Variants in MAPK10 observed in about 807,000 individuals in gnomAD.
MAPK10 encodes the protein JNK3 alpha protein kinase.
MAPK10 carries 25 observed loss-of-function variants against 59.3 expected under a neutral mutation model. The observed-to-expected ratio is 0.42, with a 90% CI of 0.31 to 0.59. The LOEUF is 0.59. Among genes scored for constraint, MAPK10 ranks in the 20% least tolerant of loss-of-function variants. The pLI is 0.15. For missense variants in MAPK10, 351 were observed against 568.9 expected (o/e 0.62, Z 3.90); for synonymous variants, 190 against 200.5 (o/e 0.95, Z 0.44).
chr4:86,425,455 T>C (rs950453334), intron 1 of MAPK10, among the ~76,000 whole-genome samples: 1 of 152,204 alleles, frequency 6.6e-6, no homozygotes, highest in South Asian at 2.1e-4. Flanking sequence ...CTTTAGGCTT[T>C]AATATTTTCA....
intron 1 of MAPK10, among the ~76,000 whole-genome samples, chr4:86,555,187 C>A (rs1760161772): frequency 6.6e-6 from 1 of 152,186 alleles, no homozygotes; most frequent in African/African-American, 2.4e-5. Flanking sequence ...GTGGCTCATG[C>A]CTGTAATCCT....
intron 3 of MAPK10, among the ~76,000 whole-genome samples, chr4:86,191,443 T>C (rs1280429603): frequency 6.6e-6 from 1 of 152,040 alleles, no homozygotes; most frequent in Admixed American, 6.6e-5. Flanking sequence ...ATTGGGTGCA[T>C]ATAAATTTAA....
At chr4:86,457,182 C>A (rs1279533136), upstream of MAPK10, among the ~76,000 whole-genome samples, 3 of 152,166 alleles carry the variant, frequency 2.0e-5, no homozygotes, top group Non-Finnish European at 4.4e-5. Flanking sequence ...CCATCTATGA[C>A]AAACCCACAG....
intron 2 of MAPK10, among the ~76,000 whole-genome samples, chr4:86,199,964 T>C (rs1218461487): frequency 6.6e-6 from 1 of 151,928 alleles, no homozygotes; most frequent in African/African-American, 2.4e-5. Flanking sequence ...ATTATAGAAC[T>C]TTTCCCATTT....
intron 1 of MAPK10, among the ~76,000 whole-genome samples, chr4:86,395,248 G>T: frequency 6.6e-6 from 1 of 152,082 alleles, no homozygotes; most frequent in East Asian, 1.9e-4. Context: ...ATATTTATTG[G>T]TTACTATTTA....
intron 1 of MAPK10, among the ~76,000 whole-genome samples, chr4:86,485,134 AC>A (rs1753887839): frequency 6.6e-6 from 1 of 151,832 alleles, no homozygotes; most frequent in South Asian, 2.1e-4. Context: ...TTTCCCTGTT[AC>A]CCCCACCTCC....
chr4:86,375,324 G>T (rs1739611871), intron 1 of MAPK10, among the ~76,000 whole-genome samples: 1 of 152,074 alleles, frequency 6.6e-6, no homozygotes, highest in Non-Finnish European at 1.5e-5. Flanking sequence ...AATGAGCCAG[G>T]TTACTCACTA....
intron 3 of MAPK10, chr4:86,193,638 C>A (rs2080493126): frequency 6.6e-6 from 1 of 152,564 alleles, no homozygotes; most frequent in Non-Finnish European, 1.5e-5. Flanking sequence ...CGACTTCATA[C>A]TGCTGTGCTG....
intron 2 of MAPK10, chr4:86,219,928 AT>A (rs2089034603): frequency 6.6e-6 from 1 of 152,108 alleles, no homozygotes; most frequent in South Asian, 2.1e-4. Context: ...TTGCTTTAAT[AT>A]TTTCTTTTCT....
At chr4:86,071,405 C>G (rs1225237917) in intron 9 of MAPK10, among the ~76,000 whole-genome samples, 1 of 125,144 alleles carries the variant, frequency 8.0e-6, no homozygotes, top group Non-Finnish European at 1.7e-5. Context: ...AATTAGATCC[C>G]ATTTGTCAAT....
intron 4 of MAPK10, among the ~76,000 whole-genome samples, chr4:86,140,226 A>G (rs1004340765): frequency 2.9e-5 from 4 of 140,320 alleles, no homozygotes; most frequent in Non-Finnish European, 6.0e-5. Context: ...ATAAAGACAC[A>G]TGCACACGTA....
At chr4:86,579,060 T>C (rs1762085409) in intron 1 of MAPK10, among the ~76,000 whole-genome samples, 1 of 152,174 alleles carries the variant, frequency 6.6e-6, no homozygotes, top group Non-Finnish European at 1.5e-5. Context: ...AAAAAACAAA[T>C]CTAACTTGGA....
At chr4:86,390,240 T>A (rs895900922) in intron 1 of MAPK10, among the ~76,000 whole-genome samples, 22 of 152,226 alleles carry the variant, frequency 1.4e-4, no homozygotes, top group African/African-American at 5.3e-4. Flanking sequence ...TTCTATGAGT[T>A]TTATTCAATG....
chr4:86,290,505 G>T (rs949813348), intron 2 of MAPK10, among the ~76,000 whole-genome samples: 1 of 152,144 alleles, frequency 6.6e-6, no homozygotes, highest in African/African-American at 2.4e-5. Context: ...CCCTCTCCCT[G>T]CTGTATTCAT....
chr4:86,450,425 T>A (rs1750566382), intron 1 of MAPK10, among the ~76,000 whole-genome samples: 1 of 152,184 alleles, frequency 6.6e-6, no homozygotes, highest in African/African-American at 2.4e-5. Flanking sequence ...CATTCAAAAT[T>A]TGACTAAACT....
intron 2 of MAPK10, among the ~76,000 whole-genome samples, chr4:86,315,187 A>T (rs1370835761): frequency 6.6e-6 from 1 of 152,108 alleles, no homozygotes; most frequent in Non-Finnish European, 1.5e-5. Flanking sequence ...GTGATCTAAA[A>T]ATCAAAACAA....
chr4:86,182,772 T>A (rs1196472041), intron 3 of MAPK10, among the ~76,000 whole-genome samples: 2 of 152,134 alleles, frequency 1.3e-5, no homozygotes, highest in African/African-American at 4.8e-5. Context: ...AAATAAAATG[T>A]CCAGTCACAA....
intron 9 of MAPK10, chr4:86,080,380 T>C (rs1422889036): frequency 6.6e-6 from 1 of 151,508 alleles, no homozygotes; most frequent in African/African-American, 2.4e-5. Flanking sequence ...CACTGACAAC[T>C]CTTTATTTAC....
chr4:86,382,629 A>AT (rs1485883074), intron 1 of MAPK10, among the ~76,000 whole-genome samples: 1 of 152,210 alleles, frequency 6.6e-6, no homozygotes, highest in Non-Finnish European at 1.5e-5. Flanking sequence ...GAATGAATGT[A>AT]TTCACTTGCA....
Sources: allele counts gnomAD v4.1 joint callset (sites outside exome capture counted in the v4.1 genomes callset), GRCh38; gene constraint gnomAD v4.1.1; transcripts MANE v1.5; gene names NCBI Gene and HGNC (gene_info 2026-07-23, HGNC 2026-07-21).